The following PLCXD1 variants were observed in gnomAD, a reference collection of about 807,000 sequenced individuals.
The protein encoded by PLCXD1 is phosphatidylinositol specific phospholipase C X domain containing 1.
A neutral mutation model predicts 37.8 loss-of-function variants in PLCXD1; 45 were observed. The observed-to-expected ratio is 1.19, with a 90% CI of 0.94 to 1.53. The LOEUF (loss-of-function observed/expected upper bound fraction) is 1.53. Ranked by LOEUF, PLCXD1 falls within the 40% of genes most tolerant of loss-of-function variation. PLCXD1 has a pLI of 0.00. For missense variants in PLCXD1, 539 were observed against 454.7 expected, an observed-to-expected ratio of 1.19 and a Z score of -1.69; for synonymous variants, 246 against 206.9, an observed-to-expected ratio of 1.19 and a Z score of -1.62.
chrX:288,783 C>T lies in PLCXD1; in HGVS notation c.178C>T (p.His60Tyr). ...YCLNKKSPISHEESRLLQLLN... is the reference protein window; with the variant it reads ...YCLNKKSPISYEESRLLQLLN... The stretch of plus-strand genomic sequence containing the variant: ...CCTGAACAAGAAGTCCCCCATTTCG[C>T]ACGAGGAGTCCCGGCTGCTGCAGCT... Residue 60 changes from histidine to tyrosine, a missense_variant, in exon 3 of 7, where the codon CAC becomes TAC. Coordinates refer to ENST00000381657, the MANE Select transcript of PLCXD1 (RefSeq NM_018390.4). The T allele has an allele frequency of 2.5e-6, 4 of 1,613,750 alleles. No individual in the cohort carries two copies. Among genetic ancestry groups the T allele is most frequent in the Non-Finnish European group, 3.4e-6 (4 of 1,179,642 alleles).
chrX:277,030 G>A (rs1425113599), upstream of PLCXD1, among the ~76,000 whole-genome samples: 1 of 152,152 alleles, frequency 6.6e-6, no homozygotes. Context: ...TGAAGGCCAG[G>A]GTGGAGAGGA....
At chrX:282,986 ATATT>A (rs1569564370) in intron 1 of PLCXD1, among the ~76,000 whole-genome samples, 1 of 146,366 alleles carries the variant, frequency 6.8e-6, no homozygotes, top group Non-Finnish European at 1.5e-5. Context: ...TGTATAATAT[ATATT>A]ATATGTATAT....
Position 291,374 on chromosome X carries a change from A to G in PLCXD1, c.394-125A>G, listed in dbSNP as rs184737869. The G allele has an allele frequency of 0.016, 16,038 of 1,000,340 alleles. 1,002 individuals carry two copies. The African/African-American group carries it at 0.18, about 11-fold the overall frequency. The allele number at this position is 1,000,340 out of a possible 1,614,324, so 62.0% of individuals were successfully genotyped here. ...TTGGCTAGGCTGGTCTCAAACTCCT[A>G]ACCTCAGGTGATCCACCCGCCTCGG... On this transcript the variant is annotated intron_variant, in intron 4 of 6. Transcript: ENST00000381657.
At chrX:287,390 T>C (rs1422322648) in intron 2 of PLCXD1, among the ~76,000 whole-genome samples, 4 of 143,314 alleles carry the variant, frequency 2.8e-5, no homozygotes, top group Admixed American at 1.4e-4. Context: ...TATGCAAAAA[T>C]ATGTATTTAT....
upstream of PLCXD1, among the ~76,000 whole-genome samples, chrX:278,385 G>A (rs780766498): frequency 6.6e-6 from 1 of 152,126 alleles, no homozygotes. Context: ...AGGAGACACT[G>A]ATTTCCTCGA....
intron 3 of PLCXD1, among the ~76,000 whole-genome samples, chrX:289,510 C>CTTTCTTT (rs2069559847): frequency 2.0e-5 from 2 of 97,786 alleles, no homozygotes; most frequent in Non-Finnish European, 4.1e-5. Context: ...CTTTTTCTTT[C>CTTTCTTT]TTTTTCTTTT....
At chrX:295,091 A>AC (rs1163515684) in intron 6 of PLCXD1, among the ~76,000 whole-genome samples, 34 of 137,996 alleles carry the variant, frequency 2.5e-4, no homozygotes, top group African/African-American at 9.1e-4. Context: ...AATTGCTTGA[A>AC]CCCGGGGGCG....
rs962547509 is a variant in PLCXD1, at chrX:299,649, C to T, written c.*314C>T. 3.3e-4 allele frequency: 155 copies of T among 469,224 alleles called. No homozygotes were observed. Among genetic ancestry groups the T allele is most frequent in the African/African-American group, 1.5e-3 (76 of 51,066 alleles). The allele number at this position is 469,224 out of a possible 1,614,324, so 29.1% of individuals were successfully genotyped here. A position where few individuals can be genotyped will look rare whatever the true frequency, so the allele number is the denominator to read the frequency against. ...GCAGGCGCCTGTAGTCCCAGTTACT[C>T]GGGAGGCTCAGGCAGGAGAACTGCT... On this transcript the variant is annotated 3_prime_UTR_variant, in exon 7 of 7. Transcript: ENST00000381657.
At chrX:298,981 TG>T in intron 6 of PLCXD1, 115 bp from the exon 7 acceptor site, 1 of 802,346 alleles carries the variant, frequency 1.2e-6, no homozygotes, top group Non-Finnish European at 2.1e-6. Flanking sequence ...TTGTTGGACA[TG>T]GTGCTTTCAA....
At position 293,249 on chromosome X, in the gene PLCXD1, C is replaced by G. The variant is rs1042260475; in HGVS notation, c.733+31C>G. 3.8e-6 allele frequency: 6 copies of G among 1,564,906 alleles called. No homozygotes were observed. The African/African-American group carries it at 6.8e-5, about 18-fold the overall frequency. On this transcript the variant is annotated intron_variant, in intron 6 of 6. Transcript: ENST00000381657. ...AGGTCGCCCCTCGTGGGGGTAGATTCCACACAGCCTCCCGTGACGCCCTGC... is the reference window on the plus strand; with the variant it reads ...AGGTCGCCCCTCGTGGGGGTAGATTGCACACAGCCTCCCGTGACGCCCTGC...
rs1569339982 is a variant in PLCXD1 at position 300,603 on chromosome X, TGTGTATGC to T, written c.*1275_*1282del. The T allele has an allele frequency of 4.0e-5, 6 of 151,300 alleles. No individual in the cohort carries two copies. The highest frequency in any genetic ancestry group is 4.1e-4 in the South Asian group (2 of 4,820). The allele number at this position is 151,300 out of a possible 1,614,324, so 9.4% of individuals were successfully genotyped here. A position where few individuals can be genotyped will look rare whatever the true frequency, so the allele number is the denominator to read the frequency against. On this transcript the variant is annotated 3_prime_UTR_variant, in exon 7 of 7. Transcript: ENST00000381657. ...GTATATGTGTTTATACATGTATATG[TGTGTATGC>T]GTGTATACGTGTATGTATACATGTA...
upstream of PLCXD1, among the ~76,000 whole-genome samples, chrX:279,487 T>G (rs1303092120): frequency 1.3e-5 from 2 of 152,112 alleles, no homozygotes; most frequent in Non-Finnish European, 2.9e-5. Flanking sequence ...AGAGTTATTA[T>G]TAGGCCGGGC....
intron 6 of PLCXD1, among the ~76,000 whole-genome samples, chrX:294,964 T>C (rs188953414): frequency 6.6e-6 from 1 of 151,946 alleles, no homozygotes; most frequent in South Asian, 2.1e-4. Context: ...TTAATTGAGA[T>C]CAGGAGTTTG....
chrX:286,221 T>C (rs2069448002), intron 2 of PLCXD1, among the ~76,000 whole-genome samples: 1 of 152,098 alleles, frequency 6.6e-6, no homozygotes, highest in African/African-American at 2.4e-5. Context: ...CGCTCCACTA[T>C]GCCTGGCTGA....
At chrX:281,883 G>C (rs2069285650) in intron 1 of PLCXD1, among the ~76,000 whole-genome samples, 199 bp downstream of exon 1, 1 of 152,022 alleles carries the variant, frequency 6.6e-6, no homozygotes, top group South Asian at 2.1e-4. Flanking sequence ...GAGTAGCTGG[G>C]ATTACAGGCG....
chrX:284,217 C>T lies in PLCXD1; in HGVS notation c.30C>T (p.Ser10=). The T allele has an allele frequency of 6.2e-7, 1 of 1,613,512 alleles. No homozygotes were observed. The highest frequency in any genetic ancestry group is 8.5e-7 in the Non-Finnish European group (1 of 1,179,772). MGGQVSASN[S]FSRLHCRNAN... is the part of the protein sequence containing the mutation. ...GTGGGCAGGTGAGCGCTTCCAACAG[C>T]TTCTCGAGGCTGCACTGCAGAAATG... is the stretch of plus-strand genomic sequence containing the variant. The change falls in exon 2 of 7, where the codon AGC becomes AGT. Residue 10 remains serine, a synonymous_variant. Transcript: ENST00000381657.
At chrX:288,433 C>T (rs2069525009) in intron 2 of PLCXD1, among the ~76,000 whole-genome samples, 2 of 152,142 alleles carry the variant, frequency 1.3e-5, no homozygotes, top group Non-Finnish European at 2.9e-5. Context: ...TCCTCTGTGT[C>T]TGTCTCCTCC....
At position 290,872 on chromosome X, in the gene PLCXD1, CAGCGGGAGGCGGCCG is replaced by C. The variant is rs2069611405; in HGVS notation, c.393+97_393+111del. 2.6e-5 allele frequency: 12 copies of C among 466,368 alleles called. 1 individual carries two copies. Among genetic ancestry groups the C allele is most frequent in the South Asian group, 2.6e-4 (10 of 39,088 alleles). 28.9% of individuals were successfully genotyped at this position (466,368 alleles called of 1,614,324 possible). Reference sequence around the variant, plus strand: ...GGGCTGAGGTGGGAAGCAAGGGGGACAGCGGGAGGCGGCCGGGCACTGGTGCAGGTGCGGCCGGGC... The same window carrying C: ...GGGCTGAGGTGGGAAGCAAGGGGGACGGCACTGGTGCAGGTGCGGCCGGGC... On this transcript the variant is annotated intron_variant, in intron 4 of 6. Transcript: ENST00000381657.
chrX:278,589 A>C (rs990034508), upstream of PLCXD1, among the ~76,000 whole-genome samples: 6 of 151,874 alleles, frequency 4.0e-5, no homozygotes, highest in African/African-American at 1.4e-4. Context: ...AAATACAGAA[A>C]TTACCTGGGT....
Sources: gnomAD v4.1 joint callset for allele counts (sites outside exome capture counted in the v4.1 genomes callset) on GRCh38, gnomAD v4.1.1 for gene constraint, MANE v1.5 for transcripts, NCBI Gene and HGNC (gene_info 2026-07-23, HGNC 2026-07-21) for gene names.